Variants in CHI3L2 observed in about 807,000 individuals in gnomAD.
CHI3L2 encodes the protein chitinase-3-like protein 2.
Under a neutral mutation model 47.3 loss-of-function variants are expected in CHI3L2, and 47 were observed. The ratio of observed to expected loss-of-function variants is 0.99; its 90% CI spans 0.79 to 1.27. The LOEUF (loss-of-function observed/expected upper bound fraction) is 1.27. CHI3L2 is among the 50% of genes most tolerant of loss of function. The probability of loss-of-function intolerance (pLI) is 0.00; values close to 1 mark genes in which losing one functional copy is unlikely to be tolerated. For synonymous variants in CHI3L2, 198 were observed against 169.9 expected (o/e 1.17, Z -1.28); for missense variants, 497 against 462.1 (o/e 1.08, Z -0.69).
intron 8 of CHI3L2, among the ~76,000 whole-genome samples, chr1:111,240,199 G>A (rs546490329): frequency 6.6e-6 from 1 of 152,330 alleles, no homozygotes; most frequent in African/African-American, 2.4e-5. Context: ...CATTGTGAGT[G>A]TGAACATGCC....
Position 111,235,939 on chromosome 1 carries a change from C to T in CHI3L2, c.606-85C>T, listed in dbSNP as rs1659873205. 4 of 1,568,930 alleles carry T rather than the reference C, an allele frequency of 2.5e-6. No homozygotes were observed. The East Asian group carries it at 9.0e-5, about 35-fold the overall frequency. On this transcript the variant is annotated intron_variant, in intron 6 of 10. Transcript: ENST00000369748. ...CAGAGACTTTCAATCCTTCTAGCAG[C>T]ATCATTCAAAGCCAAAACAATTACT... is the stretch of plus-strand genomic sequence containing the variant.
intron 8 of CHI3L2, among the ~76,000 whole-genome samples, chr1:111,240,150 T>C (rs1289835819): frequency 6.6e-6 from 1 of 152,200 alleles, no homozygotes; most frequent in Non-Finnish European, 1.5e-5. Context: ...AATATCATTC[T>C]ATATCCTGGT....
chr1:111,229,934 A>G (rs1331396211), intron 2 of CHI3L2, 53 bp downstream of exon 2: 3 of 1,600,018 alleles, frequency 1.9e-6, no homozygotes, highest in African/African-American at 2.7e-5. Context: ...GGGTGCTTTC[A>G]TTTTTGATGT....
In CHI3L2 at chr1:111,230,745, C is replaced by A. The variant is rs370678751; in HGVS notation, c.74C>A (p.Ser25Tyr). ...GGCTCTCTTCACTCTACTCCAGGATCTGCCTACAAACTGGTTTGCTACTTT... is the reference window on the plus strand; with the variant it reads ...GGCTCTCTTCACTCTACTCCAGGATATGCCTACAAACTGGTTTGCTACTTT... ...VVVLLLLQGGSAYKLVCYFTN... is the reference protein window; with the variant it reads ...VVVLLLLQGGYAYKLVCYFTN... Residue 25 changes from serine (S) to tyrosine (Y), a missense_variant, in exon 3 of 11, where the codon TCT (serine) becomes TAT (tyrosine). Ser to Tyr is a moderately radical substitution (Grantham distance 144, BLOSUM62 -2). Transcript: ENST00000369748. 7.4e-6 allele frequency: 12 copies of A among 1,613,938 alleles called. No individual in the cohort carries two copies. In the African/African-American group the frequency reaches 1.3e-4, roughly 18 times the overall value.
At chr1:111,234,184 T>C (rs1431216559) in intron 4 of CHI3L2, among the ~76,000 whole-genome samples, 1 of 112,528 alleles carries the variant, frequency 8.9e-6, no homozygotes, top group Non-Finnish European at 1.8e-5. Context: ...CCAAGAATGA[T>C]CAATAAAAAA....
chr1:111,240,837 T>C (rs1226088017), intron 8 of CHI3L2, among the ~76,000 whole-genome samples: 1 of 152,072 alleles, frequency 6.6e-6, no homozygotes, highest in Non-Finnish European at 1.5e-5. Context: ...GGAGGAGTAA[T>C]AAGATTTAAG....
Position 111,235,680 on chromosome 1 carries a change from C to T in CHI3L2, c.522C>T (p.Thr174=). ...EAFQKDFTKS[T]KERLLLTAGV... ...TTCAGAAGGACTTCACAAAATCCAC[C>T]AAGGAAAGGCTTCTCTTGACTGCGG... The change falls in exon 6 of 11, where the codon ACC becomes ACT. Residue 174 remains threonine, a synonymous_variant. Transcript: ENST00000369748. 1 of 1,614,124 alleles carries T rather than the reference C, an allele frequency of 6.2e-7. No homozygotes were observed.
chr1:111,230,252 A>ATT (rs11392081), intron 2 of CHI3L2, among the ~76,000 whole-genome samples: 5 of 151,038 alleles, frequency 3.3e-5, no homozygotes, highest in South Asian at 2.1e-4. Flanking sequence ...CTCTCAATGT[A>ATT]TTTTTTTTTA....
intron 8 of CHI3L2, among the ~76,000 whole-genome samples, chr1:111,240,614 C>A (rs1284874078): frequency 1.3e-5 from 2 of 152,146 alleles, no homozygotes; most frequent in Non-Finnish European, 2.9e-5. Flanking sequence ...CTTAAATATT[C>A]AACTTTCATT....
intron 4 of CHI3L2, among the ~76,000 whole-genome samples, chr1:111,232,613 C>T (rs1659756558): frequency 6.6e-6 from 1 of 152,136 alleles, no homozygotes; most frequent in Non-Finnish European, 1.5e-5. Context: ...TAGCATAGTG[C>T]CCCTGTGCAA....
intron 3 of CHI3L2, 85 bp from the exon 4 acceptor site, chr1:111,231,153 T>A: frequency 1.6e-6 from 2 of 1,235,312 alleles, no homozygotes. Flanking sequence ...TTGTCCATTT[T>A]CTCTACACTT....
chr1:111,238,294 T>C (rs1212649938), intron 7 of CHI3L2, among the ~76,000 whole-genome samples: 3 of 152,192 alleles, frequency 2.0e-5, no homozygotes, highest in Non-Finnish European at 4.4e-5. Flanking sequence ...TCTCTTCAAA[T>C]ATTTTACAGA....
intron 2 of CHI3L2, among the ~76,000 whole-genome samples, chr1:111,230,244 C>T (rs898142387): frequency 6.8e-6 from 1 of 146,270 alleles, no homozygotes; most frequent in Non-Finnish European, 1.5e-5. Flanking sequence ...ATCTCTGTCT[C>T]TCAATGTATT....
At chr1:111,228,214 AC>A (rs1659583991) in intron 1 of CHI3L2, among the ~76,000 whole-genome samples, 2 of 151,930 alleles carry the variant, frequency 1.3e-5, no homozygotes, top group Non-Finnish European at 2.9e-5. Flanking sequence ...CTCCCTTTCA[AC>A]TCTAAAGTTC....
In CHI3L2 at chr1:111,235,008, G is replaced by C; in HGVS notation, c.431G>C (p.Trp144Ser). ...AACTTTGATGGACTGGATGTAAGCT[G>C]GATCTACCCAGATCAGAAAGAAAAC... Reference protein sequence around the residue: ...NHNFDGLDVSWIYPDQKENTH... With the variant: ...NHNFDGLDVSSIYPDQKENTH... Residue 144 changes from tryptophan to serine, a missense_variant, in exon 5 of 11, where the codon TGG (tryptophan) becomes TCG (serine). Coordinates refer to ENST00000369748, the MANE Select transcript of CHI3L2 (RefSeq NM_004000.3). 2 of 1,614,026 alleles carry C rather than the reference G, an allele frequency of 1.2e-6. No homozygotes were observed. The highest frequency in any genetic ancestry group is 1.7e-6 in the Non-Finnish European group (2 of 1,179,978).
At chr1:111,234,352 G>T (rs1023748730) in intron 4 of CHI3L2, among the ~76,000 whole-genome samples, 1 of 152,108 alleles carries the variant, frequency 6.6e-6, no homozygotes, top group Non-Finnish European at 1.5e-5. Flanking sequence ...CAAAGAGCAC[G>T]CTAGGGGCAA....
At chr1:111,238,235 GA>G (rs1373406442) in intron 7 of CHI3L2, among the ~76,000 whole-genome samples, 1 of 152,212 alleles carries the variant, frequency 6.6e-6, no homozygotes, top group African/African-American at 2.4e-5. Context: ...AGGATCTCCT[GA>G]GAGCTGTGTC....
At chr1:111,231,442 G>T (rs539056364) in intron 4 of CHI3L2, 148 bp downstream of exon 4, 2 of 624,432 alleles carry the variant, frequency 3.2e-6, no homozygotes, top group South Asian at 4.1e-5. Flanking sequence ...TTTGTCATAA[G>T]CAGAGGAACA....
chr1:111,228,562 G>A (rs758679693), intron 1 of CHI3L2, among the ~76,000 whole-genome samples: 1 of 152,216 alleles, frequency 6.6e-6, no homozygotes, highest in Non-Finnish European at 1.5e-5. Context: ...GTGCCACAGA[G>A]AATTTCTCTG....
Sources: gnomAD v4.1 joint callset for allele counts (sites outside exome capture counted in the v4.1 genomes callset) on GRCh38, gnomAD v4.1.1 for gene constraint, MANE v1.5 for transcripts, NCBI Gene and HGNC (gene_info 2026-07-23, HGNC 2026-07-21) for gene names.